The following THAP12 variants were observed in gnomAD, a reference collection of about 807,000 sequenced individuals.
The protein encoded by THAP12 is THAP domain containing 12.
In THAP12, 20 loss-of-function variants were observed where a neutral mutation model predicts 63.0. The ratio of observed to expected loss-of-function variants is 0.32; its 90% confidence interval spans 0.22 to 0.46. The LOEUF is 0.46. THAP12 is among the 20% of genes least tolerant of loss of function. The pLI is 1.00. For missense variants in THAP12, 568 were observed against 908.2 expected (o/e 0.63, Z 4.81); for synonymous variants, 264 against 328.4 (o/e 0.80, Z 2.12).
In THAP12 at chr11:76,352,493, C is replaced by T. The variant is rs1250718514; in HGVS notation, c.657G>A (p.Arg219=). The change falls in exon 5 of 5, where the codon CGG becomes CGA. Residue 219 remains arginine, a synonymous_variant. Coordinates refer to ENST00000260045, the MANE Select transcript of THAP12 (RefSeq NM_004705.4). ...INSGEEVLRK[R]FETTAVNTLF... Reference sequence around the variant, plus strand: ...ACGTGTTAACTGCTGTTGTCTCAAACCGCTTTCTCAGAACCTCTTCACCAG... The same window carrying T: ...ACGTGTTAACTGCTGTTGTCTCAAATCGCTTTCTCAGAACCTCTTCACCAG... The T allele has an allele frequency of 6.2e-7, 1 of 1,611,908 alleles. No homozygotes were observed. Among genetic ancestry groups the T allele is most frequent in the East Asian group, 2.2e-5 (1 of 44,896 alleles).
rs557025456 is a variant in THAP12, at chr11:76,358,233, C to T, written c.319-2579G>A. ...AAGATACCCAACTTATTTTATGAGG[C>T]CAATAGAACCTTGATATTATAACTG... is the stretch of plus-strand genomic sequence containing the variant. On this transcript the variant is annotated intron_variant, in intron 3 of 4. Coordinates refer to ENST00000260045, the MANE Select transcript of THAP12 (RefSeq NM_004705.4). 4.0e-5 allele frequency: 6 copies of T among 150,956 alleles called. No individual in the cohort carries two copies. The South Asian group carries it at 1.3e-3, about 31-fold the overall frequency. 9.4% of individuals were successfully genotyped at this position (150,956 alleles called of 1,614,324 possible).
intron 1 of THAP12, among the ~76,000 whole-genome samples, chr11:76,373,882 TATTA>T (rs1946690944): frequency 6.6e-6 from 1 of 152,160 alleles, no homozygotes; most frequent in Non-Finnish European, 1.5e-5. Context: ...TAAAAATATT[TATTA>T]ATTCATTAAA....
At position 76,352,660 on chromosome 11, in the gene THAP12, C is replaced by A. The variant is rs1946535513; in HGVS notation, c.490G>T (p.Glu164Ter). ...PLTLEEKENKEYLKSLFEILI... is the reference protein window; with the variant it reads ...PLTLEEKENK ...ATTTCAAATAGAGATTTTAGGTATT[C>A]TTTGTTTTCCTTCTCTTCAAGGGTT... The change falls in exon 5 of 5, where the codon GAA (glutamate) becomes TAA (stop). Residue 164 changes from glutamate to a stop codon, truncating the protein, a stop_gained. Coordinates refer to ENST00000260045, the MANE Select transcript of THAP12 (RefSeq NM_004705.4). LOFTEE classifies it high-confidence loss of function. 1 of 1,612,136 alleles carries A rather than the reference C, an allele frequency of 6.2e-7. No homozygotes were observed. Among genetic ancestry groups the A allele is most frequent in the Admixed American group, 1.7e-5 (1 of 59,984 alleles).
rs376858842 is a variant in THAP12, at chr11:76,365,993, C to A, written c.90-21G>T. 2.2e-4 allele frequency: 352 copies of A among 1,606,918 alleles called. 4 individuals are homozygous for A. The African/African-American group carries it at 4.1e-3, about 19-fold the overall frequency. On this transcript the variant is annotated intron_variant, in intron 1 of 4. Transcript: ENST00000260045. Reference sequence around the variant, plus strand: ...GGCATCTATAAATAAAACCAAAATACAATTATGAAAATGAGCTCAGCATTT... The same window carrying A: ...GGCATCTATAAATAAAACCAAAATAAAATTATGAAAATGAGCTCAGCATTT...
intron 1 of THAP12, among the ~76,000 whole-genome samples, chr11:76,371,174 C>T (rs1001394051): frequency 5.3e-5 from 8 of 152,172 alleles, no homozygotes; most frequent in East Asian, 1.9e-4. Context: ...ACCCCTTCTC[C>T]GTGCTGCAGA....
rs138457411 is a variant in THAP12, at chr11:76,378,510, A to C, written c.89+2238T>G. On this transcript the variant is annotated intron_variant, in intron 1 of 4. Coordinates refer to ENST00000260045, the MANE Select transcript of THAP12 (RefSeq NM_004705.4). Reference sequence around the variant, plus strand: ...TTTTTTCCTAAAAGTTTAATGACATAGCTCTTATATTTAGGCCTTTGATCT... The same window carrying C: ...TTTTTTCCTAAAAGTTTAATGACATCGCTCTTATATTTAGGCCTTTGATCT... Among the ~76,000 whole-genome samples, 5 of 152,258 alleles carry C rather than the reference A, an allele frequency of 3.3e-5. No individual in the cohort carries two copies. In the South Asian group the frequency reaches 8.3e-4, roughly 25 times the overall value.
chr11:76,363,173 A>G (rs1181545606), intron 2 of THAP12, among the ~76,000 whole-genome samples: 2 of 152,042 alleles, frequency 1.3e-5, no homozygotes, highest in East Asian at 3.8e-4. Flanking sequence ...AAAAATATAA[A>G]TATCTATAAG....
chr11:76,355,524 A>G, intron 4 of THAP12, 94 bp downstream of exon 4: 1 of 1,141,284 alleles, frequency 8.8e-7, no homozygotes, highest in Non-Finnish European at 1.2e-6. Flanking sequence ...TTCTCAAGGT[A>G]GGTTTTCAAC....
chr11:76,372,731 A>T (rs1248609203), intron 1 of THAP12, among the ~76,000 whole-genome samples: 1 of 152,144 alleles, frequency 6.6e-6, no homozygotes, highest in Non-Finnish European at 1.5e-5. Flanking sequence ...ATAAAAAATT[A>T]AAAAATTAGT....
intron 3 of THAP12, chr11:76,358,884 C>G (rs1347655174): frequency 6.6e-6 from 1 of 151,978 alleles, no homozygotes; most frequent in Non-Finnish European, 1.5e-5. Context: ...CTAACAATAC[C>G]AACAGCAAAC....
chr11:76,353,181 G>A (rs530228320), intron 4 of THAP12, among the ~76,000 whole-genome samples: 49 of 152,176 alleles, frequency 3.2e-4, no homozygotes, highest in African/African-American at 1.1e-3. Flanking sequence ...TACCACATCC[G>A]GCCTAATTTT....
intron 1 of THAP12, among the ~76,000 whole-genome samples, chr11:76,378,451 T>G (rs1341422059): frequency 6.6e-6 from 1 of 152,186 alleles, no homozygotes; most frequent in African/African-American, 2.4e-5. Flanking sequence ...AAGAATGTGC[T>G]GCCAAATCTA....
At position 76,362,352 on chromosome 11, in the gene THAP12, G is replaced by A. The variant is rs150176737; in HGVS notation, c.211-1289C>T. ...TCACCCAAGGAAGGGAGGTTGGGAA[G>A]ACATGAAGGGAAAACATGTATCTAA... is the stretch of plus-strand genomic sequence containing the variant. On this transcript the variant is annotated intron_variant, in intron 2 of 4. Coordinates refer to ENST00000260045, the MANE Select transcript of THAP12 (RefSeq NM_004705.4). Among the ~76,000 whole-genome samples the A allele has an allele frequency of 2.6e-4, 39 of 152,350 alleles. 1 individual carries two copies. In the East Asian group the frequency reaches 7.1e-3, roughly 28 times the overall value.
chr11:76,381,035 T>C lies in THAP12; in HGVS notation c.-199A>G. 4.3e-6 allele frequency: 1 copy of C among 233,734 alleles called. No homozygotes were observed. The highest frequency in any genetic ancestry group is 8.1e-6 in the Non-Finnish European group (1 of 123,388). The allele number at this position is 233,734 out of a possible 1,614,324, so 14.5% of individuals were successfully genotyped here. Reference sequence around the variant, plus strand: ...TCCGAGGCCGGGCTGGGGACGCGGCTCCACAGTGCTGTGAGCGGCCGGGAG... The same window carrying C: ...TCCGAGGCCGGGCTGGGGACGCGGCCCCACAGTGCTGTGAGCGGCCGGGAG... On this transcript the variant is annotated 5_prime_UTR_variant, in exon 1 of 5. Transcript: ENST00000260045.
At position 76,355,668 on chromosome 11, in the gene THAP12, AAAAAAAAG is replaced by A. The variant is rs768910588; in HGVS notation, c.319-22_319-15del. The A allele has an allele frequency of 1.9e-6, 3 of 1,570,242 alleles. No individual in the cohort carries two copies. In the Admixed American group the frequency reaches 5.7e-5, roughly 30 times the overall value. ...TTCATCTTCACTCTAAATGTCAAGA[AAAAAAAAG>A]AAAAAAACAAATCATCTTTAAAAAA... On this transcript the variant is annotated splice_polypyrimidine_tract_variant and intron_variant, in intron 3 of 4. Transcript: ENST00000260045.
intron 4 of THAP12, among the ~76,000 whole-genome samples, chr11:76,354,246 T>G (rs1281525820): frequency 6.6e-6 from 1 of 152,088 alleles, no homozygotes; most frequent in Admixed American, 6.5e-5. Flanking sequence ...TTCAGAAAAA[T>G]GCAGGGAGCA....
At chr11:76,354,450 T>C (rs1454208160) in intron 4 of THAP12, among the ~76,000 whole-genome samples, 2 of 152,344 alleles carry the variant, frequency 1.3e-5, no homozygotes, top group Admixed American at 1.3e-4. Flanking sequence ...CTCTTGCTTT[T>C]ATTTTTTTCA....
Position 76,351,097 on chromosome 11 carries a change from A to G in THAP12, c.2053T>C (p.Cys685Arg). The change falls in exon 5 of 5, where the codon TGT becomes CGT. Residue 685 changes from cysteine to arginine, a missense_variant. By Grantham distance (180) the Cys-to-Arg change is radical. Transcript: ENST00000260045. The part of the protein sequence containing the change: ...PNVYALLKVL[C>R]ILPVMKVENE... ...TCAACCTTCATCACAGGAAGAATAC[A>G]CAGGACCTTCAGCAATGCATACACA... 2 of 1,611,932 alleles carry G rather than the reference A, an allele frequency of 1.2e-6. No homozygotes were observed. The highest frequency in any genetic ancestry group is 1.7e-6 in the Non-Finnish European group (2 of 1,179,818).
At chr11:76,365,023 G>A (rs1946621502) in intron 2 of THAP12, among the ~76,000 whole-genome samples, 1 of 152,200 alleles carries the variant, frequency 6.6e-6, no homozygotes, top group South Asian at 2.1e-4. Context: ...GCTCATACAT[G>A]TAATCCCAGC....
Sources: gnomAD v4.1 joint callset for allele counts (sites outside exome capture counted in the v4.1 genomes callset) on GRCh38, gnomAD v4.1.1 for gene constraint, MANE v1.5 for transcripts, NCBI Gene and HGNC (gene_info 2026-07-23, HGNC 2026-07-21) for gene names.